The following PEAK3 variants were observed in gnomAD, a reference collection of about 807,000 sequenced individuals.
PEAK3 encodes the protein PEAK family member 3.
Under a neutral mutation model 13.3 loss-of-function variants are expected in PEAK3, and 15 were observed. The ratio of observed to expected loss-of-function variants is 1.13; its 90% CI spans 0.75 to 1.73. The LOEUF (loss-of-function observed/expected upper bound fraction) is 1.73, where lower values mean the gene tolerates loss of function less well. Ranked by LOEUF, PEAK3 falls within the 40% of genes most tolerant of loss-of-function variation. PEAK3 has a pLI of 0.00. For missense variants in PEAK3, 739 were observed against 690.2 expected (o/e 1.07, Z -0.79); for synonymous variants, 347 against 341.9 (o/e 1.01, Z -0.17).
chr19:2,275,618 C>T lies in PEAK3; in HGVS notation c.*62G>A. 1 of 1,328,446 alleles carries T rather than the reference C, an allele frequency of 7.5e-7. No homozygotes were observed. Among genetic ancestry groups the T allele is most frequent in the Non-Finnish European group, 9.7e-7 (1 of 1,028,606 alleles). The allele number at this position is 1,328,446 out of a possible 1,614,324, so 82.3% of individuals were successfully genotyped here. ...GTCTTGGCTATCATGGAGACGCTGA[C>T]CTCAGCCCCAGCCCTGCCTCCTGGG... On this transcript the variant is annotated 3_prime_UTR_variant, in exon 4 of 4. Transcript: ENST00000342063.
chr19:2,276,311 T>C lies in PEAK3; in HGVS notation c.791A>G (p.Gln264Arg). The change falls in exon 4 of 4, where the codon CAG becomes CGG. Residue 264 changes from glutamine to arginine, a missense_variant. Coordinates refer to ENST00000342063, the MANE Select transcript of PEAK3 (RefSeq NM_198532.3). ...CTGCGTGCAGGCCTCCGCCAGCCAC[T>C]GCGCCACCGTGCGCTCTGGAACCTC... ...AAEVPERTVA[Q>R]WLAEACTQPP... 2.5e-6 allele frequency: 4 copies of C among 1,597,806 alleles called. No homozygotes were observed. Among genetic ancestry groups the C allele is most frequent in the Non-Finnish European group, 3.4e-6 (4 of 1,178,386 alleles).
chr19:2,279,819 G>A (rs180851779), intron 2 of PEAK3, among the ~76,000 whole-genome samples: 7 of 151,694 alleles, frequency 4.6e-5, no homozygotes, highest in Admixed American at 4.6e-4. Context: ...GCACGATCTC[G>A]GCTCACTGCA....
intron 3 of PEAK3, among the ~76,000 whole-genome samples, chr19:2,276,926 C>T (rs1334411188): frequency 6.6e-6 from 1 of 152,094 alleles, no homozygotes; most frequent in African/African-American, 2.4e-5. Flanking sequence ...GTGAGAGAAT[C>T]GCTTGAGCCC....
chr19:2,275,620 T>C lies in PEAK3; in HGVS notation c.*60A>G. The stretch of plus-strand genomic sequence containing the variant: ...CTTGGCTATCATGGAGACGCTGACC[T>C]CAGCCCCAGCCCTGCCTCCTGGGCA... On this transcript the variant is annotated 3_prime_UTR_variant, in exon 4 of 4. Coordinates refer to ENST00000342063, the MANE Select transcript of PEAK3 (RefSeq NM_198532.3). 7.5e-7 allele frequency: 1 copy of C among 1,335,354 alleles called. No individual in the cohort carries two copies. Among genetic ancestry groups the C allele is most frequent in the East Asian group, 3.1e-5 (1 of 32,678 alleles). 82.7% of individuals were successfully genotyped at this position (1,335,354 alleles called of 1,614,324 possible). A position where few individuals can be genotyped will look rare whatever the true frequency, so the allele number is the denominator to read the frequency against.
Position 2,275,539 on chromosome 19 carries a change from T to C in PEAK3, c.*141A>G, listed in dbSNP as rs754076710. 429 of 723,146 alleles carry C rather than the reference T, an allele frequency of 5.9e-4. No homozygotes were observed. The highest frequency in any genetic ancestry group is 7.8e-4 in the Non-Finnish European group (402 of 514,192). 44.8% of individuals were successfully genotyped at this position (723,146 alleles called of 1,614,324 possible). A position where few individuals can be genotyped will look rare whatever the true frequency, so the allele number is the denominator to read the frequency against. On this transcript the variant is annotated 3_prime_UTR_variant, in exon 4 of 4. Coordinates refer to ENST00000342063, the MANE Select transcript of PEAK3 (RefSeq NM_198532.3). The stretch of plus-strand genomic sequence containing the variant: ...ATCCCCAGCACGGGAGGGGAGGCTC[T>C]GGAGTGGGGCATTGCTCTCTCTGCT...
At position 2,275,389 on chromosome 19, in the gene PEAK3, G is replaced by C. The variant is rs920224900; in HGVS notation, c.*291C>G. On this transcript the variant is annotated 3_prime_UTR_variant, in exon 4 of 4. Transcript: ENST00000342063. ...AACACAGAGAGACATTGATCAGCGG[G>C]GTTGTCCACACCTGGAAGTGGCGTG... 6.5e-6 allele frequency: 2 copies of C among 305,476 alleles called. No individual in the cohort carries two copies. Among genetic ancestry groups the C allele is most frequent in the African/African-American group, 4.3e-5 (2 of 46,188 alleles). 18.9% of individuals were successfully genotyped at this position (305,476 alleles called of 1,614,324 possible).
Position 2,276,279 on chromosome 19 carries a change from C to G in PEAK3, c.823G>C (p.Glu275Gln). Residue 275 changes from glutamate (E) to glutamine (Q), a missense_variant, in exon 4 of 4, where the codon GAG (glutamate) becomes CAG (glutamine). Coordinates refer to ENST00000342063, the MANE Select transcript of PEAK3 (RefSeq NM_198532.3). ...AGGGCCACAGCCCACACGAACTCCT[C>G]CGGCGGCTGCGTGCAGGCCTCCGCC... ...WLAEACTQPP[E>Q]EFVWAVALLL... 1 of 1,591,910 alleles carries G rather than the reference C, an allele frequency of 6.3e-7. No individual in the cohort carries two copies. The highest frequency in any genetic ancestry group is 8.5e-7 in the Non-Finnish European group (1 of 1,175,998).
chr19:2,280,532 T>TG (rs1036070763), intron 2 of PEAK3, among the ~76,000 whole-genome samples: 19 of 151,552 alleles, frequency 1.3e-4, no homozygotes, highest in African/African-American at 3.9e-4. Flanking sequence ...TTTGTAGAGA[T>TG]GGGGGGCGGG....
At chr19:2,277,808 G>T (rs1489119745) in intron 3 of PEAK3, among the ~76,000 whole-genome samples, 1 of 150,198 alleles carries the variant, frequency 6.7e-6, no homozygotes, top group Non-Finnish European at 1.5e-5. Context: ...CTCATGATCT[G>T]CCCGCCTTGG....
At chr19:2,280,819 G>A (rs980498056) in intron 2 of PEAK3, 31 bp downstream of exon 2, 10 of 1,578,362 alleles carry the variant, frequency 6.3e-6, no homozygotes, top group African/African-American at 2.7e-5. Flanking sequence ...CTGCACCCCC[G>A]CAGCCCAGGG....
chr19:2,276,713 C>A (rs1035163591), intron 3 of PEAK3, among the ~76,000 whole-genome samples: 1 of 152,152 alleles, frequency 6.6e-6, no homozygotes, highest in Non-Finnish European at 1.5e-5. Flanking sequence ...GAAGATGTTC[C>A]TGGGCAATGA....
In PEAK3 at chr19:2,280,834, C is replaced by G; in HGVS notation, c.82+16G>C. ...CTGCACCCCCGCAGCCCAGGGCTCC[C>G]TGGGGAGCTGCTTACCAAGGTTGCT... On this transcript the variant is annotated intron_variant, in intron 2 of 3. Coordinates refer to ENST00000342063, the MANE Select transcript of PEAK3 (RefSeq NM_198532.3). 1 of 1,603,524 alleles carries G rather than the reference C, an allele frequency of 6.2e-7. No individual in the cohort carries two copies. The highest frequency in any genetic ancestry group is 8.5e-7 in the Non-Finnish European group (1 of 1,175,308).
intron 3 of PEAK3, among the ~76,000 whole-genome samples, chr19:2,277,722 C>T (rs1043963467): frequency 3.9e-5 from 6 of 152,056 alleles, no homozygotes; most frequent in Non-Finnish European, 8.8e-5. Context: ...CGCACCACCG[C>T]GCCCGGCTAA....
intron 3 of PEAK3, among the ~76,000 whole-genome samples, chr19:2,277,820 C>T (rs942163893): frequency 6.6e-6 from 1 of 150,566 alleles, no homozygotes; most frequent in Non-Finnish European, 1.5e-5. Context: ...CCGCCTTGGC[C>T]TTCCAAAGTG....
Position 2,278,972 on chromosome 19 carries a change from G to C in PEAK3, c.224C>G (p.Thr75Ser), listed in dbSNP as rs370848249. 2 of 1,598,180 alleles carry C rather than the reference G, an allele frequency of 1.3e-6. No individual in the cohort carries two copies. Among genetic ancestry groups the C allele is most frequent in the East Asian group, 2.3e-5 (1 of 44,328 alleles). Residue 75 changes from threonine to serine, a missense_variant, in exon 3 of 4, where the codon ACC becomes AGC. Physicochemically the swap from Thr to Ser is moderately conservative, Grantham distance 58 (BLOSUM62 1). Transcript: ENST00000342063. The stretch of plus-strand genomic sequence containing the variant: ...TACTTGGATGGAGCTGGGATGGAGG[G>C]TCCTGCGGGTGGGCAGTGACTGGGT... ...TRTQSLPTRRTLHPSSIQVQP... is the reference protein window; with the variant it reads ...TRTQSLPTRRSLHPSSIQVQP...
rs755804524 is a variant in PEAK3 at position 2,276,208 on chromosome 19, C to A, written c.894G>T (p.Trp298Cys). The change falls in exon 4 of 4, where the codon TGG becomes TGT. Residue 298 changes from tryptophan (W) to cysteine (C), a missense_variant. Coordinates refer to ENST00000342063, the MANE Select transcript of PEAK3 (RefSeq NM_198532.3). ...GCCGCAACTCGACTAGGGCCGCGCC[C>A]CACGCCTCCAGGAACTTCAGGGCCG... ...LSAALKFLEA[W>C]GAALVELRPE... The A allele has an allele frequency of 6.4e-7, 1 of 1,567,062 alleles. No individual in the cohort carries two copies. Among genetic ancestry groups the A allele is most frequent in the Non-Finnish European group, 8.6e-7 (1 of 1,160,524 alleles).
Position 2,278,922 on chromosome 19 carries a change from C to G in PEAK3, c.274G>C (p.Gly92Arg). The change falls in exon 3 of 4, where the codon GGG becomes CGG. Residue 92 changes from glycine (G) to arginine (R), a missense_variant. By Grantham distance (125) the Gly-to-Arg change is moderately radical. Transcript: ENST00000342063. ...TGGCTCTTGTCCACACTGTGGGACCCCAGAAAGGGTCTCCGAGGCGGCTGT... is the reference window on the plus strand; with the variant it reads ...TGGCTCTTGTCCACACTGTGGGACCGCAGAAAGGGTCTCCGAGGCGGCTGT... ...QVQPPRRPFL[G>R]SHSVDKSQAA... 1 of 1,604,308 alleles carries G rather than the reference C, an allele frequency of 6.2e-7. No homozygotes were observed. The highest frequency in any genetic ancestry group is 8.5e-7 in the Non-Finnish European group (1 of 1,175,708).
intron 3 of PEAK3, 118 bp from the exon 4 acceptor site, chr19:2,276,607 G>A: frequency 1.2e-6 from 1 of 806,170 alleles, no homozygotes; most frequent in Non-Finnish European, 1.9e-6. Flanking sequence ...CCCCACTACG[G>A]CTAGGGGCTG....
Position 2,276,110 on chromosome 19 carries a change from AAGTC to A in PEAK3, c.988_991del (p.Asp330LeufsTer51). On this transcript the variant is annotated frameshift_variant, in exon 4 of 4. Coordinates refer to ENST00000342063, the MANE Select transcript of PEAK3 (RefSeq NM_198532.3). LOFTEE classifies it low-confidence loss of function (END_TRUNC). ...AGGGGGCTGCAGACAGACGCGGCCA[AAGTC>A]AGTGAGGAGCAGGCGTGGGGGCCCC... The A allele has an allele frequency of 6.6e-7, 1 of 1,518,742 alleles. No individual in the cohort carries two copies. The highest frequency in any genetic ancestry group is 8.8e-7 in the Non-Finnish European group (1 of 1,131,894). The allele number at this position is 1,518,742 out of a possible 1,614,324, so 94.1% of individuals were successfully genotyped here.
Sources: gnomAD v4.1 joint callset for allele counts (sites outside exome capture counted in the v4.1 genomes callset) on GRCh38, gnomAD v4.1.1 for gene constraint, MANE v1.5 for transcripts, NCBI Gene and HGNC (gene_info 2026-07-23, HGNC 2026-07-21) for gene names.